Variants in ATP9B observed in about 807,000 individuals in gnomAD.
The protein encoded by ATP9B is probable phospholipid-transporting ATPase IIB.
A neutral mutation model predicts 146.1 loss-of-function variants in ATP9B; 110 were observed. That is an observed-to-expected ratio of 0.75 (90% confidence interval 0.65 to 0.88). ATP9B has a LOEUF of 0.88. Ranked by LOEUF, ATP9B falls within the 40% of genes least tolerant of loss-of-function variation. ATP9B has a pLI of 0.00. For missense variants in ATP9B, 1,499 were observed against 1,496.4 expected, an observed-to-expected ratio of 1.00 and a Z score of -0.03; for synonymous variants, 604 against 569.7, an observed-to-expected ratio of 1.06 and a Z score of -0.86.
At chr18:79,285,684 T>G (rs147413221) in intron 13 of ATP9B, among the ~76,000 whole-genome samples, 2,206 of 152,136 alleles carry the variant, frequency 0.015, 57 homozygotes, top group African/African-American at 0.051. Context: ...AGACATGAAG[T>G]CCTTGCCCAC....
chr18:79,319,644 T>C (rs1050897687), intron 15 of ATP9B, among the ~76,000 whole-genome samples: 5 of 152,206 alleles, frequency 3.3e-5, no homozygotes, highest in Non-Finnish European at 7.3e-5. Flanking sequence ...CCCACGTTGA[T>C]AGCACAAAAA....
At chr18:79,325,660 G>A (rs2096740150) in intron 15 of ATP9B, among the ~76,000 whole-genome samples, 1 of 152,060 alleles carries the variant, frequency 6.6e-6, no homozygotes. Context: ...CCTGTGGGGC[G>A]AGGTCAGTGG....
At chr18:79,323,686 G>A (rs1219544537) in intron 15 of ATP9B, among the ~76,000 whole-genome samples, 1 of 152,142 alleles carries the variant, frequency 6.6e-6, no homozygotes, top group Admixed American at 6.5e-5. Flanking sequence ...TGTACACCAC[G>A]TTTTCTTCAT....
chr18:79,072,759 C>T (rs544237426), intron 1 of ATP9B, among the ~76,000 whole-genome samples: 41 of 142,028 alleles, frequency 2.9e-4, no homozygotes, highest in South Asian at 7.6e-4. Context: ...ACCTCCCAGA[C>T]GGGGCGGCTG....
At chr18:79,146,656 G>A (rs962866199) in intron 6 of ATP9B, 3 of 259,950 alleles carry the variant, frequency 1.2e-5, no homozygotes, top group Non-Finnish European at 2.3e-5. Context: ...GCTGCATATC[G>A]GGGGAGTGCA....
intron 12 of ATP9B, among the ~76,000 whole-genome samples, chr18:79,263,405 A>C (rs369776636): frequency 6.6e-6 from 1 of 152,248 alleles, no homozygotes; most frequent in Admixed American, 6.5e-5. Context: ...TTGCAGGTGC[A>C]GAGCCCTCAG....
chr18:79,110,282 A>G, intron 2 of ATP9B, 73 bp from the exon 3 acceptor site: 2 of 1,386,572 alleles, frequency 1.4e-6, no homozygotes, highest in African/African-American at 1.5e-5. Context: ...TTGACTCTAA[A>G]TATGTACAAT....
At chr18:79,164,640 A>G (rs2094937547) in intron 7 of ATP9B, among the ~76,000 whole-genome samples, 1 of 152,022 alleles carries the variant, frequency 6.6e-6, no homozygotes, top group Non-Finnish European at 1.5e-5. Context: ...AATGGTGTGA[A>G]CCCGGGAGGT....
At chr18:79,181,499 T>C (rs2148002946) in intron 8 of ATP9B, among the ~76,000 whole-genome samples, 2 of 152,332 alleles carry the variant, frequency 1.3e-5, no homozygotes, top group Middle Eastern at 3.4e-3. Context: ...TTAGTCTAAC[T>C]ACTCATATTA....
chr18:79,307,831 ATTTTATATACAGTTTTG>A (rs2096627740), intron 15 of ATP9B, among the ~76,000 whole-genome samples: 1 of 152,190 alleles, frequency 6.6e-6, no homozygotes, highest in Non-Finnish European at 1.5e-5. Context: ...GTCTTAGTAT[ATTTTATATACAGTTTTG>A]TGTACACTTT....
chr18:79,195,493 G>C (rs2095409801), intron 9 of ATP9B, among the ~76,000 whole-genome samples: 1 of 152,062 alleles, frequency 6.6e-6, no homozygotes, highest in African/African-American at 2.4e-5. Context: ...AGCAAGGAAA[G>C]AAAAAACCTC....
chr18:79,276,731 G>T (rs936583666), intron 12 of ATP9B, among the ~76,000 whole-genome samples: 1 of 152,112 alleles, frequency 6.6e-6, no homozygotes, highest in Non-Finnish European at 1.5e-5. Flanking sequence ...ATATTATCTT[G>T]GGTGTAAACA....
At chr18:79,311,224 A>G (rs901356249) in intron 15 of ATP9B, among the ~76,000 whole-genome samples, 1 of 152,218 alleles carries the variant, frequency 6.6e-6, no homozygotes, top group Non-Finnish European at 1.5e-5. Context: ...GTTACACCCC[A>G]CAATTGAGAA....
At chr18:79,359,236 G>T (rs2096972489) in intron 25 of ATP9B, 118 bp from the exon 26 acceptor site, 2 of 694,286 alleles carry the variant, frequency 2.9e-6, no homozygotes, top group Non-Finnish European at 4.8e-6. Flanking sequence ...TTACTTTGTT[G>T]GTTTTTGTGG....
chr18:79,323,095 C>T (rs1047353479), intron 15 of ATP9B, among the ~76,000 whole-genome samples: 1 of 151,994 alleles, frequency 6.6e-6, no homozygotes, highest in Non-Finnish European at 1.5e-5. Context: ...CGTTGCTTCG[C>T]GTTAGTAATC....
intron 1 of ATP9B, among the ~76,000 whole-genome samples, chr18:79,074,628 C>A (rs967455122): frequency 6.6e-6 from 1 of 152,222 alleles, no homozygotes; most frequent in Non-Finnish European, 1.5e-5. Flanking sequence ...CCCAGATGCC[C>A]CGGTATCCCC....
At chr18:79,182,110 G>A (rs2095258260) in intron 8 of ATP9B, among the ~76,000 whole-genome samples, 1 of 152,264 alleles carries the variant, frequency 6.6e-6, no homozygotes, top group Admixed American at 6.5e-5. Context: ...TTTGTTACAG[G>A]CCTAGAGGCT....
At chr18:79,107,995 A>G (rs1486940505) in intron 2 of ATP9B, among the ~76,000 whole-genome samples, 1 of 152,188 alleles carries the variant, frequency 6.6e-6, no homozygotes, top group Non-Finnish European at 1.5e-5. Context: ...TGAGATGGTA[A>G]TTCTTAGGTA....
chr18:79,125,162 G>A (rs1221953151), intron 4 of ATP9B, among the ~76,000 whole-genome samples: 1 of 152,170 alleles, frequency 6.6e-6, no homozygotes, highest in Non-Finnish European at 1.5e-5. Context: ...CGATGGTGCA[G>A]AGTGCAGACT....
Sources: allele counts gnomAD v4.1 joint callset (sites outside exome capture counted in the v4.1 genomes callset), GRCh38; gene constraint gnomAD v4.1.1; transcripts MANE v1.5; gene names NCBI Gene and HGNC (gene_info 2026-07-23, HGNC 2026-07-21).